DIO2: variants seen among roughly 807,000 people sequenced by gnomAD.
DIO2 encodes iodothyronine deiodinase 2, also known as type II iodothyronine deiodinase.
A neutral mutation model predicts 21.4 loss-of-function variants in DIO2; 19 were observed. The ratio of observed to expected loss-of-function variants is 0.89; its 90% CI spans 0.62 to 1.30. The LOEUF is 1.30. DIO2 is among the 50% of genes most tolerant of loss of function. The probability of loss-of-function intolerance (pLI) is 0.00; values close to 1 mark genes in which losing one functional copy is unlikely to be tolerated. For missense variants in DIO2, 302 were observed against 338.1 expected (o/e 0.89, Z 0.84); for synonymous variants, 122 against 132.9 (o/e 0.92, Z 0.57).
In DIO2 at chr14:80,211,496, C is replaced by G; in HGVS notation, c.-24G>C. On this transcript the variant is annotated 5_prime_UTR_variant, in exon 1 of 2. Coordinates refer to ENST00000438257, the MANE Select transcript of DIO2 (RefSeq NM_013989.5). ...ATCTTCTCTGCCTCCTGAGTCAGTT[C>G]CCTTGTGCGCTCTGGTTCCCCTTCA... The G allele has an allele frequency of 6.5e-7, 1 of 1,528,422 alleles. No individual in the cohort carries two copies. Among genetic ancestry groups the G allele is most frequent in the Non-Finnish European group, 8.9e-7 (1 of 1,127,618 alleles). 94.7% of individuals were successfully genotyped at this position (1,528,422 alleles called of 1,614,324 possible). A position where few individuals can be genotyped will look rare whatever the true frequency, so the allele number is the denominator to read the frequency against.
At chr14:80,226,244 G>A (rs947020667) in intron 2 of DIO2, among the ~76,000 whole-genome samples, 4 of 152,140 alleles carry the variant, frequency 2.6e-5, no homozygotes, top group Admixed American at 2.0e-4. Context: ...TCAAAAGGCC[G>A]TTCCACCATT....
chr14:80,220,895 C>T (rs755459608), intron 2 of DIO2, among the ~76,000 whole-genome samples: 13 of 152,050 alleles, frequency 8.5e-5, no homozygotes, highest in Admixed American at 2.6e-4. Flanking sequence ...CAAGATTTCA[C>T]GAATATAGGA....
chr14:80,213,200 C>T (rs1053069927), upstream of DIO2, among the ~76,000 whole-genome samples: 8 of 152,200 alleles, frequency 5.3e-5, no homozygotes, highest in Non-Finnish European at 1.2e-4. Context: ...GCAGACAATG[C>T]TTTGGCAGAA....
At chr14:80,229,033 G>A (rs1339033548) in intron 2 of DIO2, among the ~76,000 whole-genome samples, 1 of 152,194 alleles carries the variant, frequency 6.6e-6, no homozygotes, top group South Asian at 2.1e-4. Flanking sequence ...AACCTCAAGG[G>A]GACCCAGCCT....
chr14:80,226,285 G>A (rs1888574452), intron 2 of DIO2, among the ~76,000 whole-genome samples: 1 of 152,204 alleles, frequency 6.6e-6, no homozygotes, highest in Non-Finnish European at 1.5e-5. Context: ...GGATGATAGA[G>A]AACATGGTAA....
intron 2 of DIO2, chr14:80,219,384 C>A (rs1443025581): frequency 1.3e-5 from 2 of 152,130 alleles, no homozygotes; most frequent in Non-Finnish European, 2.9e-5. Flanking sequence ...CGTTTTCTAT[C>A]TGTAGCCCCA....
intron 1 of DIO2, chr14:80,205,502 CT>C (rs1206729370): frequency 1.2e-6 from 1 of 856,842 alleles, no homozygotes; most frequent in South Asian, 1.8e-5. Context: ...CTCTAACCCC[CT>C]GATTCATCCG....
intron 2 of DIO2, among the ~76,000 whole-genome samples, chr14:80,219,776 G>C (rs577506082): frequency 6.6e-6 from 1 of 152,120 alleles, no homozygotes; most frequent in Non-Finnish European, 1.5e-5. Context: ...AGTCAATAAA[G>C]AGTTAATGAA....
chr14:80,225,000 A>C (rs1249157090), intron 2 of DIO2, among the ~76,000 whole-genome samples: 1 of 152,180 alleles, frequency 6.6e-6, no homozygotes, highest in Non-Finnish European at 1.5e-5. Context: ...GGCAGGAAGC[A>C]TGCAGCACAG....
chr14:80,215,069 T>C (rs1674298595), upstream of DIO2, among the ~76,000 whole-genome samples: 1 of 152,240 alleles, frequency 6.6e-6, no homozygotes, highest in South Asian at 2.1e-4. Flanking sequence ...AGATTTCATA[T>C]GTTCTTTCAA....
chr14:80,216,852 C>T (rs373582488), intron 2 of DIO2: 4 of 152,130 alleles, frequency 2.6e-5, no homozygotes, highest in South Asian at 2.1e-4. Context: ...AGGAAACCAC[C>T]GGATGATATT....
At chr14:80,220,932 G>A (rs890149180) in intron 2 of DIO2, among the ~76,000 whole-genome samples, 1 of 152,174 alleles carries the variant, frequency 6.6e-6, no homozygotes, top group South Asian at 2.1e-4. Flanking sequence ...AGAGTCTGTT[G>A]TATATGGGTA....
rs918321330 is a variant in DIO2 at position 80,216,689 on chromosome 14, C to T, written c.-230+1G>A. ...GCTGAAAATGAGGAAATTGAACTCA[C>T]CCTTTCTTTTCTGAAACTGTGACTC... On this transcript the variant is annotated splice_donor_variant, in intron 3 of 4. Coordinates refer to the DIO2 transcript ENST00000553594. LOFTEE classifies it low-confidence loss of function (5UTR_SPLICE). 6.6e-6 allele frequency: 1 copy of T among 152,074 alleles called. No homozygotes were observed. Among genetic ancestry groups the T allele is most frequent in the Non-Finnish European group, 1.5e-5 (1 of 68,022 alleles). 9.4% of individuals were successfully genotyped at this position (152,074 alleles called of 1,614,324 possible).
At chr14:80,216,909 A>G (rs1053665982) in intron 2 of DIO2, among the ~76,000 whole-genome samples, 34 of 152,328 alleles carry the variant, frequency 2.2e-4, no homozygotes, top group Non-Finnish European at 3.7e-4. Context: ...GCTTTACAGC[A>G]GCTTTTTTAA....
At chr14:80,214,198 C>T (rs188372043), upstream of DIO2, among the ~76,000 whole-genome samples, 4 of 152,260 alleles carry the variant, frequency 2.6e-5, no homozygotes, top group East Asian at 7.7e-4. Flanking sequence ...ATTGCCCAGG[C>T]CTTAGAATCT....
At chr14:80,228,646 C>G (rs964060333) in intron 2 of DIO2, among the ~76,000 whole-genome samples, 6 of 152,192 alleles carry the variant, frequency 3.9e-5, no homozygotes, top group Admixed American at 3.9e-4. Context: ...TAGCCCTCAC[C>G]CTACCAGGCA....
rs1261839438 is a variant in DIO2 at position 80,197,858 on chromosome 14, ATC to A, written c.*4829_*4830del. 6.6e-6 allele frequency: 1 copy of A among 152,662 alleles called. No individual in the cohort carries two copies. The highest frequency in any genetic ancestry group is 1.5e-5 in the Non-Finnish European group (1 of 68,058). The allele number at this position is 152,662 out of a possible 1,614,324, so 9.5% of individuals were successfully genotyped here. On this transcript the variant is annotated 3_prime_UTR_variant, in exon 2 of 2. Coordinates refer to ENST00000438257, the MANE Select transcript of DIO2 (RefSeq NM_013989.5). Reference sequence around the variant, plus strand: ...ATCCGCACACTGGTCAACTCTGCACATCTCTGTCTCCCTCTTCGGGCGCCCGA... The same window carrying A: ...ATCCGCACACTGGTCAACTCTGCACATCTGTCTCCCTCTTCGGGCGCCCGA...
chr14:80,209,331 A>C (rs1381936161), intron 1 of DIO2, among the ~76,000 whole-genome samples: 1 of 151,996 alleles, frequency 6.6e-6, no homozygotes, highest in African/African-American at 2.4e-5. Flanking sequence ...TATGTATATA[A>C]GTAAAATTCT....
chr14:80,214,736 T>C (rs1363314359), upstream of DIO2, among the ~76,000 whole-genome samples: 2 of 152,184 alleles, frequency 1.3e-5, no homozygotes, highest in Non-Finnish European at 2.9e-5. Context: ...ATTAAGAATA[T>C]TTACCACATT....
Sources: gnomAD v4.1 joint callset for allele counts (sites outside exome capture counted in the v4.1 genomes callset) on GRCh38, gnomAD v4.1.1 for gene constraint, MANE v1.5 for transcripts, NCBI Gene and HGNC (gene_info 2026-07-23, HGNC 2026-07-21) for gene names.